The following RAB7A variants were observed in gnomAD, a reference collection of about 807,000 sequenced individuals.
RAB7A encodes the protein RAB7A, member RAS oncogene family.
Under a neutral mutation model 24.5 loss-of-function variants are expected in RAB7A, and 2 were observed. The observed-to-expected ratio is 0.08, with a 90% CI of 0.03 to 0.26. RAB7A has a LOEUF of 0.26. Among genes scored for constraint, RAB7A ranks in the 10% least tolerant of loss-of-function variants. The pLI, the probability that RAB7A is intolerant of heterozygous loss-of-function variation, is 1.00. For missense variants in RAB7A, 118 were observed against 255.7 expected (o/e 0.46, Z 3.67); for synonymous variants, 100 against 95.9 (o/e 1.04, Z -0.25).
intron 1 of RAB7A, chr3:128,795,104 C>G (rs1933538142): frequency 1.9e-6 from 1 of 537,118 alleles, no homozygotes; most frequent in Non-Finnish European, 3.4e-6. Context: ...ATCCACCACC[C>G]AAGTGAGAGA....
At chr3:128,750,557 T>C (rs764611144) in intron 1 of RAB7A, among the ~76,000 whole-genome samples, 9 of 152,180 alleles carry the variant, frequency 5.9e-5, no homozygotes, top group African/African-American at 1.7e-4. Flanking sequence ...CCACCGAGCC[T>C]GGCCAGCCAA....
intron 3 of RAB7A, among the ~76,000 whole-genome samples, chr3:128,805,915 CTT>C (rs1365666915): frequency 2.6e-5 from 4 of 152,148 alleles, no homozygotes; most frequent in Admixed American, 6.5e-5. Flanking sequence ...GCTAGGCAAA[CTT>C]TTCATACAGT....
At chr3:128,795,750 G>GTTTTTTTTTTT (rs1491091651) in intron 2 of RAB7A, among the ~76,000 whole-genome samples, 10 of 6,872 alleles carry the variant, frequency 1.5e-3, no homozygotes, top group Admixed American at 6.8e-3. Context: ...TAGCAGATGT[G>GTTTTTTTTTTT]CTTTTTTTTT....
chr3:128,739,681 A>G (rs553248850), intron 1 of RAB7A, among the ~76,000 whole-genome samples: 17 of 152,246 alleles, frequency 1.1e-4, no homozygotes, highest in Admixed American at 6.5e-5. Flanking sequence ...AGCTTTTCTT[A>G]TAAGTACATA....
At chr3:128,728,288 G>C (rs923464864) in intron 1 of RAB7A, among the ~76,000 whole-genome samples, 16 of 152,144 alleles carry the variant, frequency 1.1e-4, no homozygotes, top group Admixed American at 2.6e-4. Context: ...TAACCCAAAG[G>C]ATGGTGTTCT....
rs546102251 is a variant in RAB7A at position 128,777,966 on chromosome 3, G to A, written c.-8-17394G>A. The stretch of plus-strand genomic sequence containing the variant: ...TGACCTCAAGTGATCTGCCCGCCTC[G>A]GCCTCCCAAAGTGCTGGGATTACAG... On this transcript the variant is annotated intron_variant, in intron 1 of 5. Coordinates refer to ENST00000265062, the MANE Select transcript of RAB7A (RefSeq NM_004637.6). Among the ~76,000 whole-genome samples the A allele has an allele frequency of 7.9e-5, 12 of 152,178 alleles. No individual in the cohort carries two copies. In the East Asian group the frequency reaches 2.1e-3, roughly 27 times the overall value.
intron 1 of RAB7A, among the ~76,000 whole-genome samples, chr3:128,728,905 C>T (rs1030023775): frequency 2.0e-5 from 3 of 152,106 alleles, no homozygotes; most frequent in South Asian, 2.1e-4. Context: ...TAATGTAGCA[C>T]TGATAGTGTA....
chr3:128,764,934 C>G, intron 1 of RAB7A: 1 of 1,594,270 alleles, frequency 6.3e-7, no homozygotes, highest in Non-Finnish European at 8.5e-7. Context: ...AGGCGTAGAG[C>G]TCCAGGTTGA....
intron 3 of RAB7A, 181 bp downstream of exon 3, chr3:128,798,250 C>A: frequency 1.5e-6 from 1 of 673,044 alleles, no homozygotes; most frequent in South Asian, 1.9e-5. Flanking sequence ...TTTTAGTATA[C>A]TTCTAGTGTA....
At chr3:128,770,242 C>T (rs1190867001) in intron 1 of RAB7A, among the ~76,000 whole-genome samples, 1 of 152,072 alleles carries the variant, frequency 6.6e-6, no homozygotes, top group Non-Finnish European at 1.5e-5. Context: ...ACCTTGTGAT[C>T]CTCCCACCTT....
intron 1 of RAB7A, among the ~76,000 whole-genome samples, chr3:128,788,321 G>A (rs1933383914): frequency 6.6e-6 from 1 of 152,188 alleles, no homozygotes; most frequent in South Asian, 2.1e-4. Flanking sequence ...GTATGCCGAG[G>A]TTGCTAAAAT....
At chr3:128,795,751 C>CTTTTTTGTTTTTTTTTTTT (rs1933555587) in intron 2 of RAB7A, among the ~76,000 whole-genome samples, 1 of 43,032 alleles carries the variant, frequency 2.3e-5, no homozygotes, top group Non-Finnish European at 4.7e-5. Context: ...AGCAGATGTG[C>CTTTTTTGTTTTTTTTTTTT]TTTTTTTTTT....
intron 1 of RAB7A, among the ~76,000 whole-genome samples, chr3:128,743,276 G>A (rs953221424): frequency 2.0e-5 from 3 of 152,340 alleles, no homozygotes; most frequent in South Asian, 2.1e-4. Context: ...AGTGCCGCGC[G>A]CAGCCCCAGT....
intron 1 of RAB7A, among the ~76,000 whole-genome samples, chr3:128,772,956 G>GC (rs1194613035): frequency 4.6e-5 from 7 of 152,202 alleles, no homozygotes; most frequent in Admixed American, 2.6e-4. Context: ...CCACCTCCCA[G>GC]CCGCCTGCCT....
intron 1 of RAB7A, among the ~76,000 whole-genome samples, chr3:128,781,036 A>G (rs1038324892): frequency 1.3e-5 from 2 of 152,236 alleles, no homozygotes; most frequent in Non-Finnish European, 2.9e-5. Flanking sequence ...TTGTTAACAT[A>G]TGATGCAGTA....
At chr3:128,798,666 T>G (rs1312446997) in intron 3 of RAB7A, among the ~76,000 whole-genome samples, 4 of 151,786 alleles carry the variant, frequency 2.6e-5, no homozygotes, top group Non-Finnish European at 5.9e-5. Flanking sequence ...TTTCCCCCAT[T>G]GAGTCATTTT....
chr3:128,745,068 G>T (rs141223283), intron 1 of RAB7A, among the ~76,000 whole-genome samples: 6,304 of 151,878 alleles, frequency 0.042, 176 homozygotes, highest in Non-Finnish European at 0.058. Flanking sequence ...TAGAGACAGG[G>T]TTTCACTGTG....
intron 1 of RAB7A, among the ~76,000 whole-genome samples, chr3:128,770,234 C>G (rs2070872703): frequency 6.6e-6 from 1 of 152,114 alleles, no homozygotes; most frequent in Non-Finnish European, 1.5e-5. Flanking sequence ...AACTCCTGAC[C>G]TTGTGATCCT....
intron 1 of RAB7A, among the ~76,000 whole-genome samples, chr3:128,744,710 G>T (rs1434643433): frequency 2.0e-5 from 3 of 152,116 alleles, no homozygotes; most frequent in African/African-American, 7.2e-5. Context: ...AGGATTTAAA[G>T]TTGCCATTGG....
Sources: gnomAD v4.1 joint callset for allele counts (sites outside exome capture counted in the v4.1 genomes callset) on GRCh38, gnomAD v4.1.1 for gene constraint, MANE v1.5 for transcripts, NCBI Gene and HGNC (gene_info 2026-07-23, HGNC 2026-07-21) for gene names.